PFKFB3: variants seen among roughly 807,000 people sequenced by gnomAD.
PFKFB3 encodes the protein 6-phosphofructo-2-kinase/fructose-2,6-bisphosphatase 3.
Under a neutral mutation model 68.0 loss-of-function variants are expected in PFKFB3, and 33 were observed. The observed-to-expected ratio is 0.49, with a 90% CI of 0.37 to 0.65. The LOEUF is 0.65. Ranked by LOEUF, PFKFB3 falls within the 30% of genes least tolerant of loss-of-function variation. The pLI is 0.00. For synonymous variants in PFKFB3, 315 were observed against 288.2 expected (o/e 1.09, Z -0.94); for missense variants, 586 against 712.2 (o/e 0.82, Z 2.02).
chr10:6,172,876 G>A (rs1842355325), intron 1 of PFKFB3, among the ~76,000 whole-genome samples: 2 of 151,926 alleles, frequency 1.3e-5, no homozygotes, highest in South Asian at 4.1e-4. Context: ...GGAGGGCAGA[G>A]CTAGATGTTC....
chr10:6,179,880 C>T (rs1193535995), intron 1 of PFKFB3, among the ~76,000 whole-genome samples: 2 of 152,028 alleles, frequency 1.3e-5, no homozygotes, highest in Non-Finnish European at 1.5e-5. Context: ...ATGAGAAGAC[C>T]GTTGAGCCCC....
At chr10:6,287,950 A>G in the PFKFB3 span, among the ~76,000 whole-genome samples, 1 of 152,096 alleles carries the variant, frequency 6.6e-6, no homozygotes, top group Non-Finnish European at 1.5e-5. Context: ...ATTTCTTGCA[A>G]GGCAGTTCTA....
At chr10:6,260,734 A>T in the PFKFB3 span, among the ~76,000 whole-genome samples, 5 of 152,120 alleles carry the variant, frequency 3.3e-5, no homozygotes, top group Non-Finnish European at 7.4e-5. Context: ...ATTGATTCTC[A>T]TTTCTGTATA....
At chr10:6,231,881 T>TCGGCGGGCACCCATCACCTCC in intron 14 of PFKFB3, among the ~76,000 whole-genome samples, 1 of 147,226 alleles carries the variant, frequency 6.8e-6, no homozygotes, top group South Asian at 2.3e-4. Flanking sequence ...CCATCACCTC[T>TCGGCGGGCACCCATCACCTCC]CGGCGGGCAC....
chr10:6,145,984 G>A (rs1241010704), intron 1 of PFKFB3, among the ~76,000 whole-genome samples: 1 of 152,072 alleles, frequency 6.6e-6, no homozygotes, highest in African/African-American at 2.4e-5. Context: ...GTGTGGGGAG[G>A]GGGGCCTCGA....
chr10:6,145,421 C>A (rs886491100), intron 1 of PFKFB3, among the ~76,000 whole-genome samples: 15 of 152,168 alleles, frequency 9.9e-5, no homozygotes, highest in Admixed American at 5.9e-4. Flanking sequence ...CGTGCCCGAG[C>A]CGGGGGCGGC....
intron 1 of PFKFB3, among the ~76,000 whole-genome samples, chr10:6,163,611 T>C (rs1165413781): frequency 6.6e-6 from 1 of 151,960 alleles, no homozygotes; most frequent in African/African-American, 2.4e-5. Flanking sequence ...CCGCGCCTGC[T>C]TCCTCCCAGG....
chr10:6,171,134 G>A (rs1383048982), intron 1 of PFKFB3, among the ~76,000 whole-genome samples: 8 of 151,966 alleles, frequency 5.3e-5, no homozygotes, highest in African/African-American at 9.7e-5. Context: ...CGCAACCTCC[G>A]TCTCCCGGGT....
intron 1 of PFKFB3, chr10:6,146,338 G>T: frequency 6.5e-7 from 1 of 1,529,834 alleles, no homozygotes; most frequent in Non-Finnish European, 8.7e-7. Context: ...TGGCGGTGAA[G>T]GGGGTGGCTG....
the PFKFB3 span, among the ~76,000 whole-genome samples, chr10:6,319,842 C>T: frequency 3.3e-5 from 5 of 151,946 alleles, no homozygotes; most frequent in Non-Finnish European, 7.4e-5. Context: ...GTTTTATTTC[C>T]CTTCAAGAAA....
chr10:6,311,795 C>T, the PFKFB3 span, among the ~76,000 whole-genome samples: 1 of 152,044 alleles, frequency 6.6e-6, no homozygotes, highest in Non-Finnish European at 1.5e-5. Context: ...TAAAGGCAAA[C>T]CCACAATGGT....
At chr10:6,202,888 G>A (rs1843423128), upstream of PFKFB3, 3 of 1,082,810 alleles carry the variant, frequency 2.8e-6, no homozygotes, top group Non-Finnish European at 3.4e-6. Context: ...CGCGTCTGCG[G>A]CCAGCCCGGA....
At chr10:6,163,797 A>C (rs575462224) in intron 1 of PFKFB3, 4 of 151,600 alleles carry the variant, frequency 2.6e-5, no homozygotes, top group East Asian at 1.9e-4. Context: ...GCCGTGCGGC[A>C]CGCCGCGTTC....
Position 6,226,185 on chromosome 10 carries a change from T to A in PFKFB3, c.1342-7T>A. ...GCCTTTCTCTCTTTTGTCTTTGTCT[T>A]GCTTAGGATGCAAAGAAGGGACCTA... On this transcript the variant is annotated splice_polypyrimidine_tract_variant and splice_region_variant and intron_variant, in intron 13 of 14. Coordinates refer to ENST00000379775, the MANE Select transcript of PFKFB3 (RefSeq NM_004566.4). The A allele has an allele frequency of 6.4e-7, 1 of 1,567,974 alleles. No individual in the cohort carries two copies. The highest frequency in any genetic ancestry group is 8.6e-7 in the Non-Finnish European group (1 of 1,158,192).
In PFKFB3 at chr10:6,229,333, C is replaced by G. The variant is rs941105987; in HGVS notation, c.1515+2968C>G. Among the ~76,000 whole-genome samples the G allele has an allele frequency of 6.6e-6, 1 of 152,172 alleles. No individual in the cohort carries two copies. The highest frequency in any genetic ancestry group is 1.5e-5 in the Non-Finnish European group (1 of 68,030). Reference sequence around the variant, plus strand: ...TGGTTGAGGGGCTGAGTGACCGGCCCGTGCTTCCAGCAGGTGAGCCGCAGA... The same window carrying G: ...TGGTTGAGGGGCTGAGTGACCGGCCGGTGCTTCCAGCAGGTGAGCCGCAGA... On this transcript the variant is annotated intron_variant, in intron 14 of 14. Transcript: ENST00000379775. The surrounding 1 kb of genome is among the most constrained non-coding windows in gnomAD (Gnocchi z 4.3).
At chr10:6,190,924 G>A (rs12252826) in intron 1 of PFKFB3, among the ~76,000 whole-genome samples, 2,031 of 152,216 alleles carry the variant, frequency 0.013, 23 homozygotes, top group Middle Eastern at 0.034. Flanking sequence ...GATTATAGGC[G>A]TCTGCCAACA....
chr10:6,155,639 T>G (rs1841757406), intron 1 of PFKFB3, among the ~76,000 whole-genome samples: 1 of 152,108 alleles, frequency 6.6e-6, no homozygotes, highest in African/African-American at 2.4e-5. Context: ...CCAGGAAGAC[T>G]TCCTGGACAG....
At chr10:6,222,529 G>A (rs555796229) in intron 10 of PFKFB3, among the ~76,000 whole-genome samples, 3 of 152,294 alleles carry the variant, frequency 2.0e-5, no homozygotes, top group South Asian at 2.1e-4. Context: ...CCCCGGCACC[G>A]GCCCGTCTGC....
chr10:6,288,668 G>A, the PFKFB3 span, among the ~76,000 whole-genome samples: 1 of 151,766 alleles, frequency 6.6e-6, no homozygotes, highest in African/African-American at 2.4e-5. Context: ...AAACATACGT[G>A]TGCATGTGTC....
Sources: allele counts gnomAD v4.1 joint callset (sites outside exome capture counted in the v4.1 genomes callset), GRCh38; gene constraint gnomAD v4.1.1; non-coding constraint Gnocchi (gnomAD v3.1); transcripts MANE v1.5; gene names NCBI Gene and HGNC (gene_info 2026-07-23, HGNC 2026-07-21).